Variants in RABGAP1 observed in about 807,000 individuals in gnomAD.
RABGAP1 encodes rab GTPase-activating protein 1.
In RABGAP1, 23 loss-of-function variants were observed where a neutral mutation model predicts 137.6. The observed-to-expected ratio is 0.17, with a 90% confidence interval of 0.12 to 0.24. The LOEUF (loss-of-function observed/expected upper bound fraction) is 0.24, where lower values mean the gene tolerates loss of function less well. Among genes scored for constraint, RABGAP1 ranks in the 10% least tolerant of loss-of-function variants. The probability of loss-of-function intolerance (pLI) is 1.00; values close to 1 mark genes in which losing one functional copy is unlikely to be tolerated. For synonymous variants in RABGAP1, 451 were observed against 450.7 expected, an observed-to-expected ratio of 1.00 and a Z score of -0.01; for missense variants, 906 against 1,275.8, an observed-to-expected ratio of 0.71 and a Z score of 4.42.
Position 122,957,116 on chromosome 9 carries a change from T to G in RABGAP1, c.57T>G (p.Thr19=), listed in dbSNP as rs777814822. 1 of 1,574,176 alleles carries G rather than the reference T, an allele frequency of 6.4e-7. No individual in the cohort carries two copies. Among genetic ancestry groups the G allele is most frequent in the East Asian group, 2.2e-5 (1 of 44,494 alleles). The change falls in exon 2 of 26, where the codon ACT becomes ACG. Residue 19 remains threonine (T), a synonymous_variant. Coordinates refer to ENST00000373647, the MANE Select transcript of RABGAP1 (RefSeq NM_012197.4). ...GTGTCTCTTCAGACTCAGTATCTAC[T>G]CTTAATAGTGAAGATTTTGTCTTGG... The part of the protein sequence containing the change: ...KISVSSDSVS[T]LNSEDFVLVS...
intron 13 of RABGAP1, among the ~76,000 whole-genome samples, chr9:123,064,270 A>G (rs191502612): frequency 5.5e-4 from 84 of 152,334 alleles, no homozygotes; most frequent in Middle Eastern, 3.4e-3. Flanking sequence ...TGTTAAGACT[A>G]TGTTAATAAC....
At chr9:123,049,119 A>G (rs911984248) in intron 13 of RABGAP1, among the ~76,000 whole-genome samples, 56 of 152,220 alleles carry the variant, frequency 3.7e-4, no homozygotes, top group Non-Finnish European at 2.2e-4. Flanking sequence ...CTGCTTTTCT[A>G]TTTCAACGTG....
intron 12 of RABGAP1, among the ~76,000 whole-genome samples, chr9:123,018,337 T>C (rs2031386976): frequency 6.6e-6 from 1 of 152,240 alleles, no homozygotes; most frequent in African/African-American, 2.4e-5. Context: ...GATGAAATTA[T>C]TCTGAAAGTA....
chr9:122,987,460 A>G (rs608224), intron 4 of RABGAP1, among the ~76,000 whole-genome samples: 148,726 of 152,200 alleles, frequency 0.98, 72,768 homozygotes, highest in East Asian at 1. Context: ...AGGTATATGT[A>G]AATATACCTG....
At chr9:123,012,134 T>C (rs2030863284) in intron 11 of RABGAP1, among the ~76,000 whole-genome samples, 1 of 152,226 alleles carries the variant, frequency 6.6e-6, no homozygotes, top group African/African-American at 2.4e-5. Flanking sequence ...TTTTGAAGTA[T>C]GGAAAAAGCA....
At position 123,101,784 on chromosome 9, in the gene RABGAP1, A is replaced by G. The variant is rs566892131; in HGVS notation, c.3087+21A>G. The G allele has an allele frequency of 8.3e-6, 13 of 1,557,770 alleles. No homozygotes were observed. The South Asian group carries it at 1.1e-4, about 13-fold the overall frequency. ...TACAGGTAACAGCAGCAGAGCTCAG[A>G]CATGTGCCTGCGGGCTGGGTTTCCT... On this transcript the variant is annotated intron_variant, in intron 25 of 25. Coordinates refer to ENST00000373647, the MANE Select transcript of RABGAP1 (RefSeq NM_012197.4).
At chr9:122,948,196 A>AT (rs1287856505) in intron 1 of RABGAP1, among the ~76,000 whole-genome samples, 1 of 152,170 alleles carries the variant, frequency 6.6e-6, no homozygotes, top group Admixed American at 6.5e-5. Context: ...TTCAGACTTG[A>AT]TTCTTTTGTT....
chr9:123,070,510 G>C lies in RABGAP1; in HGVS notation c.1983+86G>C. ...TAGGCTTGAGCATGGTTTTATATTGGGTTTGGACAGACTCTTAAGGCATGA... is the reference window on the plus strand; with the variant it reads ...TAGGCTTGAGCATGGTTTTATATTGCGTTTGGACAGACTCTTAAGGCATGA... On this transcript the variant is annotated intron_variant, in intron 15 of 25. Coordinates refer to ENST00000373647, the MANE Select transcript of RABGAP1 (RefSeq NM_012197.4). The surrounding 1 kb of genome is among the most constrained non-coding windows in gnomAD (Gnocchi z 4.4). The C allele has an allele frequency of 2.5e-6, 4 of 1,588,284 alleles. No homozygotes were observed. In the South Asian group the frequency reaches 4.6e-5, roughly 18 times the overall value.
At chr9:123,096,285 G>A (rs946989682) in intron 21 of RABGAP1, among the ~76,000 whole-genome samples, 1 of 152,164 alleles carries the variant, frequency 6.6e-6, no homozygotes, top group African/African-American at 2.4e-5. Flanking sequence ...AGGACAAAGA[G>A]GGACATTTCA....
At chr9:122,962,843 CTTTAGG>C (rs1192555019) in intron 2 of RABGAP1, among the ~76,000 whole-genome samples, 2 of 152,044 alleles carry the variant, frequency 1.3e-5, no homozygotes, top group African/African-American at 4.8e-5. Context: ...ACAAGATATA[CTTTAGG>C]TTTAGAGATA....
Position 123,101,722 on chromosome 9 carries a change from C to T in RABGAP1, c.3046C>T (p.Gln1016Ter). ...GAGAGAAATGGAGCTAGAACTGGCA[C>T]AGACCAAACTCCAGCTGGTGGAGGC... ...QLREMELELAQTKLQLVEAEC... is the reference protein window; with the variant it reads ...QLREMELELA The change falls in exon 25 of 26, where the codon CAG (glutamine) becomes TAG (stop). Residue 1016 changes from glutamine (Q) to a stop codon, truncating the protein, a stop_gained. Transcript: ENST00000373647. LOFTEE classifies it high-confidence loss of function. The T allele has an allele frequency of 6.2e-7, 1 of 1,613,012 alleles. No homozygotes were observed. Among genetic ancestry groups the T allele is most frequent in the Non-Finnish European group, 8.5e-7 (1 of 1,179,570 alleles).
chr9:122,989,773 T>C (rs544370191), intron 5 of RABGAP1: 1 of 516,914 alleles, frequency 1.9e-6, no homozygotes, highest in East Asian at 3.3e-5. Flanking sequence ...CAAAACTTGT[T>C]AGGACTGTTT....
At chr9:123,064,978 C>CT (rs2034121175) in intron 13 of RABGAP1, among the ~76,000 whole-genome samples, 1 of 152,194 alleles carries the variant, frequency 6.6e-6, no homozygotes, top group South Asian at 2.1e-4. Flanking sequence ...AGTTTTTCTA[C>CT]TGGGAGCACT....
intron 2 of RABGAP1, among the ~76,000 whole-genome samples, chr9:122,975,843 T>G (rs1162734239): frequency 2.0e-5 from 3 of 152,206 alleles, no homozygotes; most frequent in East Asian, 1.9e-4. Context: ...ATTAACATCC[T>G]CATTTTAGAG....
intron 13 of RABGAP1, among the ~76,000 whole-genome samples, chr9:123,030,527 C>T (rs1308916914): frequency 6.6e-6 from 1 of 151,974 alleles, no homozygotes; most frequent in Non-Finnish European, 1.5e-5. Flanking sequence ...CATGAGACTG[C>T]ATTATTTTAT....
chr9:123,017,937 A>G (rs1303601889), intron 12 of RABGAP1, among the ~76,000 whole-genome samples: 1 of 152,314 alleles, frequency 6.6e-6, no homozygotes, highest in African/African-American at 2.4e-5. Flanking sequence ...ATTTAACTCT[A>G]TATTAGATTT....
chr9:122,976,142 C>T (rs1260991470), intron 2 of RABGAP1, among the ~76,000 whole-genome samples: 1 of 152,188 alleles, frequency 6.6e-6, no homozygotes. Context: ...CATGCAGTCT[C>T]CATCCCTGCA....
chr9:123,060,723 T>C (rs771991411), intron 13 of RABGAP1, among the ~76,000 whole-genome samples: 13 of 152,208 alleles, frequency 8.5e-5, no homozygotes, highest in Non-Finnish European at 1.9e-4. Context: ...GTATATACTG[T>C]TTATTTTGCT....
At chr9:122,981,745 A>G (rs1369541534) in intron 2 of RABGAP1, among the ~76,000 whole-genome samples, 1 of 152,170 alleles carries the variant, frequency 6.6e-6, no homozygotes, top group African/African-American at 2.4e-5. Flanking sequence ...ATAAAAAAGA[A>G]CTTAATTGAT....
Sources: allele counts gnomAD v4.1 joint callset (sites outside exome capture counted in the v4.1 genomes callset), GRCh38; gene constraint gnomAD v4.1.1; non-coding constraint Gnocchi (gnomAD v3.1); transcripts MANE v1.5; gene names NCBI Gene and HGNC (gene_info 2026-07-23, HGNC 2026-07-21).